The following GPATCH2 variants were observed in gnomAD, a reference collection of about 807,000 sequenced individuals.
GPATCH2 encodes the protein G-patch domain containing 2.
GPATCH2 carries 51 observed loss-of-function variants against 58.0 expected under a neutral mutation model. The ratio of observed to expected loss-of-function variants is 0.88; its 90% CI spans 0.70 to 1.11. The LOEUF is 1.11. Among genes scored for constraint, GPATCH2 ranks in the 50% most tolerant of loss-of-function variants. The pLI is 0.00. For missense variants in GPATCH2, 625 were observed against 652.2 expected (o/e 0.96, Z 0.45); for synonymous variants, 222 against 218.5 (o/e 1.02, Z -0.14).
intron 5 of GPATCH2, among the ~76,000 whole-genome samples, chr1:217,568,990 T>C (rs921718671): frequency 1.3e-5 from 2 of 151,912 alleles, no homozygotes; most frequent in African/African-American, 4.8e-5. Flanking sequence ...TGCAAATAGA[T>C]CCACTAGGAT....
intron 5 of GPATCH2, among the ~76,000 whole-genome samples, chr1:217,606,388 A>C (rs1465254226): frequency 6.6e-6 from 1 of 152,052 alleles, no homozygotes; most frequent in Non-Finnish European, 1.5e-5. Context: ...TTCAAATATA[A>C]AAGAGGTATA....
intron 5 of GPATCH2, among the ~76,000 whole-genome samples, chr1:217,576,411 A>AT (rs1457104073): frequency 2.6e-5 from 4 of 152,342 alleles, no homozygotes; most frequent in African/African-American, 9.6e-5. Context: ...AAGAAAATGC[A>AT]TAAGTGTTTT....
chr1:217,547,769 G>C (rs1300584840), intron 5 of GPATCH2, among the ~76,000 whole-genome samples: 2 of 152,104 alleles, frequency 1.3e-5, no homozygotes, highest in African/African-American at 4.8e-5. Flanking sequence ...AACTGATACG[G>C]TTTGGCTCTG....
In GPATCH2 at chr1:217,488,844, G is replaced by A. The variant is rs1037560416; in HGVS notation, c.1277+2836C>T. Among the ~76,000 whole-genome samples the A allele has an allele frequency of 6.0e-5, 9 of 150,548 alleles. No homozygotes were observed. In the South Asian group the frequency reaches 6.3e-4, roughly 11 times the overall value. ...GTAGCTGGGACTACAGACATGCACC[G>A]CCATAGACTATTTAAAATTTTTTTT... On this transcript the variant is annotated intron_variant, in intron 8 of 9. Transcript: ENST00000366935.
At chr1:217,594,680 C>T (rs560477865) in intron 5 of GPATCH2, among the ~76,000 whole-genome samples, 1 of 152,218 alleles carries the variant, frequency 6.6e-6, no homozygotes, top group African/African-American at 2.4e-5. Flanking sequence ...TCTTAATTCA[C>T]TTTTTAAAAA....
At chr1:217,439,674 A>G (rs1659040125) in intron 9 of GPATCH2, among the ~76,000 whole-genome samples, 2 of 152,218 alleles carry the variant, frequency 1.3e-5, no homozygotes, top group Non-Finnish European at 2.9e-5. Context: ...AAAAAATGAT[A>G]AAGGGGATAT....
At chr1:217,432,747 G>C (rs1658603232) in intron 9 of GPATCH2, among the ~76,000 whole-genome samples, 1 of 150,604 alleles carries the variant, frequency 6.6e-6, no homozygotes, top group Admixed American at 6.6e-5. Context: ...CAGTCTTTGA[G>C]AAAAAAAAAG....
intron 5 of GPATCH2, among the ~76,000 whole-genome samples, chr1:217,522,232 T>C (rs950876823): frequency 6.6e-6 from 1 of 152,202 alleles, no homozygotes; most frequent in Non-Finnish European, 1.5e-5. Context: ...CTTCTAATTA[T>C]TAAATACATA....
intron 1 of GPATCH2, among the ~76,000 whole-genome samples, chr1:217,621,405 C>T (rs1205447357): frequency 6.6e-6 from 1 of 152,098 alleles, no homozygotes; most frequent in Non-Finnish European, 1.5e-5. Flanking sequence ...TTTCTAAAAT[C>T]GAGATCTAGA....
rs369633366 is a variant in GPATCH2 at position 217,453,671 on chromosome 1, C to G, written c.1278-4334G>C. Among the ~76,000 whole-genome samples, 109 of 152,104 alleles carry G rather than the reference C, an allele frequency of 7.2e-4. 3 individuals are homozygous for G. Among genetic ancestry groups the G allele is most frequent in the East Asian group, 2.5e-3 (13 of 5,166 alleles). On this transcript the variant is annotated intron_variant, in intron 8 of 9. Transcript: ENST00000366935. ...AGTAGAAACAAAACAAAACAACAAC[C>G]CAATAAACTCAAAACAAAAAACAGA...
chr1:217,452,737 T>C (rs1413307065), intron 8 of GPATCH2, among the ~76,000 whole-genome samples: 1 of 152,080 alleles, frequency 6.6e-6, no homozygotes, highest in Non-Finnish European at 1.5e-5. Flanking sequence ...AAATATAACA[T>C]TTTCATTCAA....
chr1:217,517,464 T>A (rs1571845772), intron 5 of GPATCH2, among the ~76,000 whole-genome samples: 1 of 152,232 alleles, frequency 6.6e-6, no homozygotes, highest in African/African-American at 2.4e-5. Context: ...ATATTTAATA[T>A]AGAATTTGGC....
At chr1:217,617,634 GA>G (rs35972377) in intron 2 of GPATCH2, among the ~76,000 whole-genome samples, 1 of 152,144 alleles carries the variant, frequency 6.6e-6, no homozygotes, top group Non-Finnish European at 1.5e-5. Flanking sequence ...AAGTAGTCTT[GA>G]AAACGCTTAT....
At chr1:217,584,344 A>AAAAAAAAAAATATATATATATAT (rs1463910405) in intron 5 of GPATCH2, among the ~76,000 whole-genome samples, 13 of 101,822 alleles carry the variant, frequency 1.3e-4, no homozygotes, top group East Asian at 6.1e-4. Context: ...AAAAAAAAAA[A>AAAAAAAAAAATATATATATATAT]ATATATATAT....
At chr1:217,540,909 G>A (rs1015985251) in intron 5 of GPATCH2, among the ~76,000 whole-genome samples, 7 of 152,092 alleles carry the variant, frequency 4.6e-5, no homozygotes, top group African/African-American at 1.2e-4. Context: ...GCTGAAATAC[G>A]GCATTGTGCA....
At chr1:217,525,010 TTTTA>T (rs752497639) in intron 5 of GPATCH2, among the ~76,000 whole-genome samples, 2 of 144,124 alleles carry the variant, frequency 1.4e-5, no homozygotes, top group Non-Finnish European at 3.0e-5. Context: ...AATTTGGAAT[TTTTA>T]TTTATCTATT....
intron 8 of GPATCH2, among the ~76,000 whole-genome samples, chr1:217,474,393 C>A (rs1161701024): frequency 7.9e-5 from 12 of 152,104 alleles, no homozygotes; most frequent in Non-Finnish European, 1.5e-4. Context: ...TTCTTCTGCA[C>A]TCATAATTAA....
chr1:217,623,963 A>G (rs996382549), intron 1 of GPATCH2, among the ~76,000 whole-genome samples: 1 of 152,142 alleles, frequency 6.6e-6, no homozygotes, highest in Non-Finnish European at 1.5e-5. Context: ...TGTAATTAGC[A>G]GAATCCAATT....
chr1:217,593,493 A>G (rs1239874448), intron 5 of GPATCH2, among the ~76,000 whole-genome samples: 1 of 152,120 alleles, frequency 6.6e-6, no homozygotes, highest in South Asian at 2.1e-4. Flanking sequence ...TGTGAACTAT[A>G]TATCTACTAT....
Sources: gnomAD v4.1 joint callset for allele counts (sites outside exome capture counted in the v4.1 genomes callset) on GRCh38, gnomAD v4.1.1 for gene constraint, MANE v1.5 for transcripts, NCBI Gene and HGNC (gene_info 2026-07-23, HGNC 2026-07-21) for gene names.